The following CRTC3 variants were observed in gnomAD, a reference collection of about 807,000 sequenced individuals.
CRTC3 encodes the protein CREB regulated transcription coactivator 3, also known as CREB-regulated transcription coactivator 3.
CRTC3 carries 26 observed loss-of-function variants against 74.5 expected under a neutral mutation model. That is an observed-to-expected ratio of 0.35 (90% CI 0.26 to 0.48). The LOEUF (loss-of-function observed/expected upper bound fraction) is 0.48, where lower values mean the gene tolerates loss of function less well. CRTC3 is among the 20% of genes least tolerant of loss of function. CRTC3 has a pLI of 0.99. For missense variants in CRTC3, 760 were observed against 787.3 expected (o/e 0.97, Z 0.41); for synonymous variants, 377 against 325.8 (o/e 1.16, Z -1.69).
intron 1 of CRTC3, among the ~76,000 whole-genome samples, chr15:90,536,080 T>G (rs1040322992): frequency 2.0e-5 from 3 of 152,260 alleles, no homozygotes; most frequent in Non-Finnish European, 4.4e-5. Context: ...GCAATTTTGT[T>G]GCAATCAGTT....
At chr15:90,572,861 C>T (rs962101019) in intron 2 of CRTC3, among the ~76,000 whole-genome samples, 7 of 152,124 alleles carry the variant, frequency 4.6e-5, no homozygotes, top group Non-Finnish European at 7.4e-5. Flanking sequence ...CAGGCGTGAG[C>T]CACCATGCCC....
chr15:90,562,185 T>C (rs1967025561), intron 2 of CRTC3, among the ~76,000 whole-genome samples: 1 of 152,222 alleles, frequency 6.6e-6, no homozygotes, highest in Non-Finnish European at 1.5e-5. Context: ...GCTAGTTTTC[T>C]TGAGTGCAAG....
chr15:90,549,302 G>GTA (rs1966850132), intron 2 of CRTC3, among the ~76,000 whole-genome samples: 1 of 151,588 alleles, frequency 6.6e-6, no homozygotes, highest in Non-Finnish European at 1.5e-5. Flanking sequence ...GTGTGTGTGT[G>GTA]TGTATGTGTG....
intron 9 of CRTC3, among the ~76,000 whole-genome samples, chr15:90,622,722 A>G (rs902405540): frequency 6.6e-6 from 1 of 152,096 alleles, no homozygotes; most frequent in Non-Finnish European, 1.5e-5. Flanking sequence ...ATGGTAGTAC[A>G]TGCCTGTAAT....
At position 90,597,835 on chromosome 15, in the gene CRTC3, A is replaced by G. The variant is rs1967965699; in HGVS notation, c.351+4080A>G. On this transcript the variant is annotated intron_variant, in intron 3 of 14. Coordinates refer to ENST00000268184, the MANE Select transcript of CRTC3 (RefSeq NM_022769.5). ...CCTCTCATTTGCTGAGGGAAACAGGATGTTCTTATAAATGCAAGGACTCAA... is the reference window on the plus strand; with the variant it reads ...CCTCTCATTTGCTGAGGGAAACAGGGTGTTCTTATAAATGCAAGGACTCAA... 2 of 152,226 alleles carry G rather than the reference A, an allele frequency of 1.3e-5. 1 individual carries two copies. The highest frequency in any genetic ancestry group is 4.1e-4 in the South Asian group (2 of 4,836). The allele number at this position is 152,226 out of a possible 1,614,324, so 9.4% of individuals were successfully genotyped here. A position where few individuals can be genotyped will look rare whatever the true frequency, so the allele number is the denominator to read the frequency against.
intron 9 of CRTC3, among the ~76,000 whole-genome samples, chr15:90,620,627 T>A (rs1458633580): frequency 1.3e-5 from 2 of 151,986 alleles, no homozygotes; most frequent in African/African-American, 4.8e-5. Context: ...CCCTTGGAAC[T>A]CGATGGGCTG....
chr15:90,555,922 AAT>A (rs566354812), intron 2 of CRTC3, among the ~76,000 whole-genome samples: 40 of 152,312 alleles, frequency 2.6e-4, no homozygotes, highest in Middle Eastern at 6.8e-3. Context: ...TTATAAAAGT[AAT>A]ATGTGCTCAT....
chr15:90,589,091 C>CAAA (rs1967736891), intron 2 of CRTC3, among the ~76,000 whole-genome samples: 1 of 151,910 alleles, frequency 6.6e-6, no homozygotes, highest in Non-Finnish European at 1.5e-5. Flanking sequence ...GAGTCTTACT[C>CAAA]TGTCACCCAG....
rs138529737 is a variant in CRTC3, at chr15:90,601,653, G to A, written c.352-671G>A. Among the ~76,000 whole-genome samples, 499 of 152,070 alleles carry A rather than the reference G, an allele frequency of 3.3e-3. 3 individuals carry two copies. The highest frequency in any genetic ancestry group is 0.012 in the African/African-American group (485 of 41,480). On this transcript the variant is annotated intron_variant, in intron 3 of 14. Coordinates refer to ENST00000268184, the MANE Select transcript of CRTC3 (RefSeq NM_022769.5). ...GGGCCAAAAAAAAGAGTGAAACTCC[G>A]TCTCAAAAAATAAATAAGTACCAGG...
intron 7 of CRTC3, among the ~76,000 whole-genome samples, chr15:90,615,445 T>C (rs1968467908): frequency 6.6e-6 from 1 of 152,248 alleles, no homozygotes; most frequent in Non-Finnish European, 1.5e-5. Flanking sequence ...AGGGGGGACA[T>C]GATGAATGAG....
chr15:90,628,828 G>A (rs1968931400), intron 10 of CRTC3, among the ~76,000 whole-genome samples: 3 of 151,876 alleles, frequency 2.0e-5, no homozygotes. Flanking sequence ...TCCAAAGGTA[G>A]CAGGGGATGC....
intron 4 of CRTC3, among the ~76,000 whole-genome samples, chr15:90,603,493 G>A (rs866470215): frequency 6.6e-6 from 1 of 152,074 alleles, no homozygotes; most frequent in African/African-American, 2.4e-5. Context: ...GTCTTAGTAA[G>A]CTGCTGAAAA....
chr15:90,538,563 G>T (rs1049877573), intron 1 of CRTC3, among the ~76,000 whole-genome samples: 3 of 152,172 alleles, frequency 2.0e-5, no homozygotes, highest in African/African-American at 7.2e-5. Context: ...ATTTCTGTCA[G>T]TGAGGCACTG....
chr15:90,637,012 T>A (rs541358590), intron 11 of CRTC3, among the ~76,000 whole-genome samples: 69 of 152,334 alleles, frequency 4.5e-4, no homozygotes, highest in African/African-American at 1.6e-3. Context: ...CTTAGGGATC[T>A]TGAACTAGAA....
intron 1 of CRTC3, among the ~76,000 whole-genome samples, chr15:90,535,635 G>A (rs1966707191): frequency 6.7e-6 from 1 of 148,684 alleles, no homozygotes; most frequent in Non-Finnish European, 1.5e-5. Context: ...TATTTGCGCA[G>A]ACTCATTATT....
At chr15:90,618,625 C>T (rs1453815780) in intron 8 of CRTC3, among the ~76,000 whole-genome samples, 1 of 152,198 alleles carries the variant, frequency 6.6e-6, no homozygotes, top group African/African-American at 2.4e-5. Context: ...CTTAAGGATG[C>T]TCTATTGCAA....
At chr15:90,619,831 T>G (rs766761894) in intron 9 of CRTC3, 41 bp downstream of exon 9, 1 of 1,552,582 alleles carries the variant, frequency 6.4e-7, no homozygotes, top group South Asian at 1.1e-5. Flanking sequence ...GGGACTATCC[T>G]GAAGGTTTTT....
chr15:90,629,169 C>G (rs1968943876), intron 10 of CRTC3, 65 bp from the exon 11 acceptor site: 1 of 1,490,940 alleles, frequency 6.7e-7, no homozygotes, highest in African/African-American at 1.4e-5. Flanking sequence ...AGTTTTCTTT[C>G]ATTTTTGGAA....
chr15:90,581,153 G>C (rs115192500), intron 2 of CRTC3, among the ~76,000 whole-genome samples: 1 of 152,168 alleles, frequency 6.6e-6, no homozygotes, highest in Non-Finnish European at 1.5e-5. Context: ...TGAGGATGCT[G>C]TCTGGTTGCA....
Sources: gnomAD v4.1 joint callset for allele counts (sites outside exome capture counted in the v4.1 genomes callset) on GRCh38, gnomAD v4.1.1 for gene constraint, MANE v1.5 for transcripts, NCBI Gene and HGNC (gene_info 2026-07-23, HGNC 2026-07-21) for gene names.